The following CALN1 variants were observed in gnomAD, a reference collection of about 807,000 sequenced individuals.
CALN1 encodes the protein calcium-binding protein 8.
In CALN1, 17 loss-of-function variants were observed where a neutral mutation model predicts 30.6. The ratio of observed to expected loss-of-function variants is 0.56; its 90% CI spans 0.38 to 0.83. The LOEUF (loss-of-function observed/expected upper bound fraction) is 0.83, where lower values mean the gene tolerates loss of function less well. CALN1 is among the 40% of genes least tolerant of loss of function. The pLI is 0.00. For missense variants in CALN1, 291 were observed against 354.9 expected, an observed-to-expected ratio of 0.82 and a Z score of 1.45; for synonymous variants, 156 against 131.4, an observed-to-expected ratio of 1.19 and a Z score of -1.28.
intron 5 of CALN1, among the ~76,000 whole-genome samples, chr7:71,903,304 A>G (rs922701585): frequency 2.0e-5 from 3 of 152,168 alleles, no homozygotes; most frequent in African/African-American, 7.2e-5. Flanking sequence ...TCAAAAAAAT[A>G]CTATGAAGCT....
chr7:72,206,526 A>C (rs1268366869), intron 3 of CALN1, among the ~76,000 whole-genome samples: 1 of 152,128 alleles, frequency 6.6e-6, no homozygotes, highest in African/African-American at 2.4e-5. Flanking sequence ...CATCTTAGTC[A>C]GTGCCTTATC....
At chr7:72,079,230 G>A (rs901791393) in intron 4 of CALN1, among the ~76,000 whole-genome samples, 1 of 152,108 alleles carries the variant, frequency 6.6e-6, no homozygotes, top group African/African-American at 2.4e-5. Context: ...TCGGGCAATC[G>A]ACTTAATTTC....
chr7:72,114,424 TA>T (rs1807821991), intron 3 of CALN1, among the ~76,000 whole-genome samples: 1 of 151,482 alleles, frequency 6.6e-6, no homozygotes, highest in Non-Finnish European at 1.5e-5. Flanking sequence ...GTCTGAGTGA[TA>T]CCCTGGTGAT....
chr7:72,030,461 A>G (rs1197363957), intron 4 of CALN1, among the ~76,000 whole-genome samples: 1 of 152,150 alleles, frequency 6.6e-6, no homozygotes, highest in Non-Finnish European at 1.5e-5. Context: ...TACAGAAATG[A>G]CCTCTTTACC....
intron 4 of CALN1, among the ~76,000 whole-genome samples, chr7:72,058,308 A>ATTTTT (rs1563019395): frequency 1.1e-5 from 1 of 92,144 alleles, no homozygotes; most frequent in African/African-American, 3.8e-5. Flanking sequence ...ACAAGCTGGA[A>ATTTTT]TCTTTTTTTT....
chr7:71,794,438 G>A (rs1315342556), intron 6 of CALN1, among the ~76,000 whole-genome samples: 1 of 152,152 alleles, frequency 6.6e-6, no homozygotes, highest in Non-Finnish European at 1.5e-5. Flanking sequence ...TATAATAGAA[G>A]ACTATAGGTC....
chr7:72,216,347 G>C (rs1792812141), intron 3 of CALN1, among the ~76,000 whole-genome samples: 1 of 151,880 alleles, frequency 6.6e-6, no homozygotes, highest in African/African-American at 2.4e-5. Flanking sequence ...GATCACTGGA[G>C]CCCAGAAGTC....
intron 2 of CALN1, chr7:72,336,667 C>G: frequency 1.0e-6 from 1 of 983,944 alleles, no homozygotes; most frequent in Non-Finnish European, 1.2e-6. Context: ...AGAGAGCGCG[C>G]GCGCGGGTAA....
At chr7:72,311,789 C>T (rs573952726) in intron 2 of CALN1, among the ~76,000 whole-genome samples, 5 of 151,368 alleles carry the variant, frequency 3.3e-5, no homozygotes, top group South Asian at 2.1e-4. Context: ...GAGCCACCAC[C>T]GCGCCTGGCC....
chr7:72,210,386 G>C (rs774149035), intron 3 of CALN1, among the ~76,000 whole-genome samples: 8 of 152,138 alleles, frequency 5.3e-5, no homozygotes, highest in Non-Finnish European at 7.3e-5. Context: ...GAACATTTAG[G>C]CTGGGTGTGG....
At chr7:71,823,667 G>A (rs1400831392) in intron 5 of CALN1, among the ~76,000 whole-genome samples, 1 of 151,802 alleles carries the variant, frequency 6.6e-6, no homozygotes, top group African/African-American at 2.4e-5. Context: ...GCAGTGAGCC[G>A]AGATTGCACC....
chr7:71,784,431 C>CTT lies in CALN1; in HGVS notation c.*3342_*3343dup, dbSNP rs112509429. 2.4e-5 allele frequency: 4 copies of CTT among 168,100 alleles called. No individual in the cohort carries two copies. Among genetic ancestry groups the CTT allele is most frequent in the African/African-American group, 4.8e-5 (2 of 41,430 alleles). The allele number at this position is 168,100 out of a possible 1,614,324, so 10.4% of individuals were successfully genotyped here. A position where few individuals can be genotyped will look rare whatever the true frequency, so the allele number is the denominator to read the frequency against. On this transcript the variant is annotated 3_prime_UTR_variant, in exon 7 of 7. Transcript: ENST00000395275. Reference sequence around the variant, plus strand: ...CAAGGGTTGCCATGGTAATATCCCTCTTTTTTTTTTGTCAGATCAGTCACG... The same window carrying CTT: ...CAAGGGTTGCCATGGTAATATCCCTCTTTTTTTTTTTTGTCAGATCAGTCACG...
intron 3 of CALN1, among the ~76,000 whole-genome samples, chr7:72,147,540 C>T (rs568337550): frequency 2.7e-4 from 41 of 149,770 alleles, no homozygotes; most frequent in African/African-American, 9.2e-4. Context: ...GACAGTGTTG[C>T]GATTCCTCAG....
intron 3 of CALN1, among the ~76,000 whole-genome samples, chr7:72,257,768 C>T (rs1177567190): frequency 2.0e-5 from 3 of 152,140 alleles, no homozygotes; most frequent in Non-Finnish European, 4.4e-5. Context: ...ATGTGCACCA[C>T]GGAATACTAC....
chr7:71,903,989 C>T (rs1458285960), intron 5 of CALN1, among the ~76,000 whole-genome samples: 1 of 152,096 alleles, frequency 6.6e-6, no homozygotes. Flanking sequence ...CAAATCAAAA[C>T]TGTAATGAGA....
intron 2 of CALN1, among the ~76,000 whole-genome samples, chr7:72,349,636 CA>C (rs1802822438): frequency 6.6e-6 from 1 of 152,034 alleles, no homozygotes; most frequent in Non-Finnish European, 1.5e-5. Flanking sequence ...AAAACAAAAA[CA>C]AAAATACTGA....
intron 2 of CALN1, among the ~76,000 whole-genome samples, chr7:72,374,266 C>T (rs911211203): frequency 8.5e-5 from 13 of 152,312 alleles, no homozygotes; most frequent in Admixed American, 2.6e-4. Context: ...CAGTGGCTCA[C>T]GCCTATAATC....
intron 3 of CALN1, among the ~76,000 whole-genome samples, chr7:72,171,187 G>A (rs1788935013): frequency 6.6e-6 from 1 of 152,072 alleles, no homozygotes; most frequent in East Asian, 1.9e-4. Flanking sequence ...ATTTCACAGA[G>A]TCAAAATTAG....
chr7:72,194,221 C>G (rs191268450), intron 3 of CALN1, among the ~76,000 whole-genome samples: 1 of 152,232 alleles, frequency 6.6e-6, no homozygotes, highest in Admixed American at 6.5e-5. Flanking sequence ...GGGTAGATGG[C>G]TATGCCATTA....
Sources: allele counts gnomAD v4.1 joint callset (sites outside exome capture counted in the v4.1 genomes callset), GRCh38; gene constraint gnomAD v4.1.1; transcripts MANE v1.5; gene names NCBI Gene and HGNC (gene_info 2026-07-23, HGNC 2026-07-21).